TOPAZ1: variants seen among roughly 807,000 people sequenced by gnomAD.
TOPAZ1 encodes protein TOPAZ1.
TOPAZ1 carries 66 observed loss-of-function variants against 172.2 expected under a neutral mutation model. The ratio of observed to expected loss-of-function variants is 0.38; its 90% CI spans 0.31 to 0.47. The LOEUF (loss-of-function observed/expected upper bound fraction) is 0.47. Ranked by LOEUF, TOPAZ1 falls within the 20% of genes least tolerant of loss-of-function variation. TOPAZ1 has a pLI of 0.99. For missense variants in TOPAZ1, 1,822 were observed against 1,972.4 expected, an observed-to-expected ratio of 0.92 and a Z score of 1.44; for synonymous variants, 681 against 683.9, an observed-to-expected ratio of 1.00 and a Z score of 0.07.
intron 5 of TOPAZ1, among the ~76,000 whole-genome samples, chr3:44,266,073 T>C (rs1699827081): frequency 6.6e-6 from 1 of 152,216 alleles, no homozygotes. Flanking sequence ...CTGTTTGACC[T>C]TGCACTTCTA....
At chr3:44,305,644 A>G (rs1700328722) in intron 14 of TOPAZ1, among the ~76,000 whole-genome samples, 1 of 152,192 alleles carries the variant, frequency 6.6e-6, no homozygotes, top group African/African-American at 2.4e-5. Flanking sequence ...CACTGGTATT[A>G]CAGACATAAG....
intron 4 of TOPAZ1, among the ~76,000 whole-genome samples, chr3:44,257,598 T>C (rs956297589): frequency 4.6e-5 from 7 of 151,730 alleles, no homozygotes; most frequent in Non-Finnish European, 8.8e-5. Flanking sequence ...ACTTGATGAT[T>C]CTACTGTTGG....
chr3:44,312,673 C>T (rs1353584154), intron 16 of TOPAZ1, among the ~76,000 whole-genome samples: 1 of 152,112 alleles, frequency 6.6e-6, no homozygotes, highest in Admixed American at 6.5e-5. Context: ...AGATTGCTAC[C>T]ATGCCATCTC....
chr3:44,270,896 A>G (rs1699888834), intron 8 of TOPAZ1, 86 bp downstream of exon 8: 3 of 1,259,174 alleles, frequency 2.4e-6, no homozygotes, highest in Middle Eastern at 2.1e-4. Flanking sequence ...ATTGACTCCT[A>G]ATAGCATAGA....
intron 18 of TOPAZ1, among the ~76,000 whole-genome samples, chr3:44,324,796 A>G (rs1700580498): frequency 6.6e-6 from 1 of 152,218 alleles, no homozygotes; most frequent in Non-Finnish European, 1.5e-5. Context: ...CCTCATATGC[A>G]TTAGCAGTCA....
chr3:44,323,380 T>TTATATG (rs1700562693), intron 18 of TOPAZ1, 85 bp downstream of exon 18: 3 of 821,362 alleles, frequency 3.7e-6, no homozygotes, highest in Non-Finnish European at 5.4e-6. Context: ...GATTAGATAT[T>TTATATG]TATATGTATT....
rs1422273815 is a variant in TOPAZ1, at chr3:44,245,285, A to G, written c.2765+14A>G. 22 of 1,510,478 alleles carry G rather than the reference A, an allele frequency of 1.5e-5. No individual in the cohort carries two copies. The highest frequency in any genetic ancestry group is 1.8e-5 in the Non-Finnish European group (20 of 1,130,216). 93.6% of individuals were successfully genotyped at this position (1,510,478 alleles called of 1,614,324 possible). A position where few individuals can be genotyped will look rare whatever the true frequency, so the allele number is the denominator to read the frequency against. On this transcript the variant is annotated intron_variant, in intron 2 of 19. Transcript: ENST00000309765. ...TGATGACTTAAGGTATGCATGTTCAAGTATTCCTTTTAGTGCAGATTGTTG... is the reference window on the plus strand; with the variant it reads ...TGATGACTTAAGGTATGCATGTTCAGGTATTCCTTTTAGTGCAGATTGTTG...
intron 5 of TOPAZ1, among the ~76,000 whole-genome samples, chr3:44,266,281 G>A (rs915993762): frequency 1.2e-4 from 19 of 152,104 alleles, no homozygotes; most frequent in African/African-American, 4.3e-4. Context: ...TTCCATTTCC[G>A]CAGTAAGACT....
chr3:44,245,496 A>G (rs1699553140), intron 2 of TOPAZ1, among the ~76,000 whole-genome samples: 1 of 149,552 alleles, frequency 6.7e-6, no homozygotes. Flanking sequence ...GATAGAAAAG[A>G]TTAGCTGTTC....
At chr3:44,255,400 C>T (rs1052387241) in intron 3 of TOPAZ1, among the ~76,000 whole-genome samples, 3 of 152,002 alleles carry the variant, frequency 2.0e-5, no homozygotes, top group African/African-American at 7.2e-5. Flanking sequence ...TGCCTGTAAT[C>T]CCAGCACTTT....
rs1182670635 is a variant in TOPAZ1, at chr3:44,287,504, T to A, written c.3552T>A (p.Phe1184Leu). The A allele has an allele frequency of 6.6e-7, 1 of 1,525,100 alleles. No homozygotes were observed. Among genetic ancestry groups the A allele is most frequent in the East Asian group, 2.5e-5 (1 of 39,796 alleles). 94.5% of individuals were successfully genotyped at this position (1,525,100 alleles called of 1,614,324 possible). A position where few individuals can be genotyped will look rare whatever the true frequency, so the allele number is the denominator to read the frequency against. The change falls in exon 10 of 20, where the codon TTT becomes TTA. Residue 1184 changes from phenylalanine (F) to leucine (L), a missense_variant. Coordinates refer to ENST00000309765, the MANE Select transcript of TOPAZ1 (RefSeq NM_001145030.2). The part of the protein sequence containing the change: ...LLKHCLLKEV[F>L]QIVNLSIMVK... ...AACATTGTTTGTTGAAAGAAGTATT[T>A]CAGATAGTGAACCTCAGCATAATGG...
rs533568766 is a variant in TOPAZ1, at chr3:44,243,738, A to C, written c.1232A>C (p.His411Pro). 4 of 1,551,552 alleles carry C rather than the reference A, an allele frequency of 2.6e-6. No individual in the cohort carries two copies. In the East Asian group the frequency reaches 7.3e-5, roughly 28 times the overall value. The part of the protein sequence containing the change: ...TVEKETSSEH[H>P]VNAVFQKTIE... ...GAAAAAGAAACAAGTTCTGAACATC[A>C]TGTAAATGCTGTGTTTCAGAAAACC... The change falls in exon 2 of 20, where the codon CAT (histidine) becomes CCT (proline). Residue 411 changes from histidine (H) to proline (P), a missense_variant. By Grantham distance (77) the His-to-Pro change is moderately conservative. Coordinates refer to ENST00000309765, the MANE Select transcript of TOPAZ1 (RefSeq NM_001145030.2).
chr3:44,322,886 C>G (rs1267063948), intron 17 of TOPAZ1, among the ~76,000 whole-genome samples: 1 of 152,018 alleles, frequency 6.6e-6, no homozygotes, highest in Non-Finnish European at 1.5e-5. Flanking sequence ...CCACTGCACT[C>G]CAGCCTGGCT....
intron 12 of TOPAZ1, among the ~76,000 whole-genome samples, chr3:44,302,718 G>A (rs1410795018): frequency 2.0e-5 from 3 of 152,290 alleles, no homozygotes; most frequent in East Asian, 1.9e-4. Context: ...TAGTAGTAAT[G>A]TGTCTTTCAG....
chr3:44,269,507 C>G (rs1302036754), intron 7 of TOPAZ1, among the ~76,000 whole-genome samples: 1 of 36,194 alleles, frequency 2.8e-5, no homozygotes, highest in African/African-American at 1.7e-4. Context: ...TTTTTTGAGA[C>G]GGAGTCTTGC....
In TOPAZ1 at chr3:44,243,807, C is replaced by A. The variant is rs373298781; in HGVS notation, c.1301C>A (p.Pro434Gln). ...LKEETENASE[P>Q]LGYESMASKE... The stretch of plus-strand genomic sequence containing the variant: ...GAAGAAACAGAGAATGCTTCAGAGC[C>A]GTTAGGTTATGAAAGCATGGCATCG... The change falls in exon 2 of 20, where the codon CCG becomes CAG. Residue 434 changes from proline to glutamine, a missense_variant. Around this residue, in one of 2 missense-constraint regions of TOPAZ1, gnomAD observed 1,489 missense variants for 1,490.8 expected, o/e 1.00. Coordinates refer to ENST00000309765, the MANE Select transcript of TOPAZ1 (RefSeq NM_001145030.2). 6.4e-7 allele frequency: 1 copy of A among 1,551,652 alleles called. No individual in the cohort carries two copies. Among genetic ancestry groups the A allele is most frequent in the African/African-American group, 1.4e-5 (1 of 73,112 alleles).
chr3:44,323,028 T>C, intron 17 of TOPAZ1, 64 bp from the exon 18 acceptor site: 1 of 1,113,440 alleles, frequency 9.0e-7, no homozygotes, highest in East Asian at 2.6e-5. Context: ...AAAAGGAGTA[T>C]GAGATGGAGG....
At position 44,309,864 on chromosome 3, in the gene TOPAZ1, C is replaced by G; in HGVS notation, c.4180C>G (p.His1394Asp). The G allele has an allele frequency of 6.5e-7, 1 of 1,540,480 alleles. No homozygotes were observed. The highest frequency in any genetic ancestry group is 2.4e-5 in the East Asian group (1 of 40,850). The part of the protein sequence containing the change: ...VLEKLYELKI[H>D]FTSLKGLIGP... ...AGAGAAACTATATGAATTAAAAATACACTTTACAAGTTTAAAAGGACTTAT... is the reference window on the plus strand; with the variant it reads ...AGAGAAACTATATGAATTAAAAATAGACTTTACAAGTTTAAAAGGACTTAT... The change falls in exon 16 of 20, where the codon CAC becomes GAC. Residue 1394 changes from histidine to aspartate, a missense_variant. Coordinates refer to ENST00000309765, the MANE Select transcript of TOPAZ1 (RefSeq NM_001145030.2).
chr3:44,276,304 A>G (rs947010313), intron 8 of TOPAZ1, among the ~76,000 whole-genome samples: 6 of 151,912 alleles, frequency 3.9e-5, no homozygotes, highest in Non-Finnish European at 7.4e-5. Flanking sequence ...GTTTTCTCCT[A>G]TGGTTTTAGG....
Sources: allele counts gnomAD v4.1 joint callset (sites outside exome capture counted in the v4.1 genomes callset), GRCh38; gene constraint gnomAD v4.1.1; regional missense constraint gnomAD v4.1.1; transcripts MANE v1.5; gene names NCBI Gene and HGNC (gene_info 2026-07-23, HGNC 2026-07-21).